Variants in BRINP3 observed in about 807,000 individuals in gnomAD.
BRINP3 encodes the protein BMP/retinoic acid inducible neural specific 3.
Under a neutral mutation model 71.0 loss-of-function variants are expected in BRINP3, and 19 were observed. That is an observed-to-expected ratio of 0.27 (90% CI 0.19 to 0.39). BRINP3 has a LOEUF of 0.39. BRINP3 is among the 10% of genes least tolerant of loss of function. BRINP3 has a pLI of 1.00. For missense variants in BRINP3, 959 were observed against 940.8 expected, an observed-to-expected ratio of 1.02 and a Z score of -0.25; for synonymous variants, 380 against 337.7, an observed-to-expected ratio of 1.13 and a Z score of -1.37.
chr1:190,459,899 T>G (rs1236593836), intron 1 of BRINP3, among the ~76,000 whole-genome samples: 1 of 151,992 alleles, frequency 6.6e-6, no homozygotes, highest in Non-Finnish European at 1.5e-5. Flanking sequence ...ACCAGTTTTG[T>G]TTTCTTTTTT....
At chr1:190,171,871 C>T (rs1051434986) in intron 6 of BRINP3, among the ~76,000 whole-genome samples, 1 of 151,934 alleles carries the variant, frequency 6.6e-6, no homozygotes, top group Non-Finnish European at 1.5e-5. Context: ...CTTTGGGAGG[C>T]CAAGGCAGGA....
chr1:190,166,382 C>G (rs1266995464), intron 6 of BRINP3, among the ~76,000 whole-genome samples: 1 of 152,096 alleles, frequency 6.6e-6, no homozygotes, highest in Non-Finnish European at 1.5e-5. Context: ...TACATCAAGC[C>G]AATTAATCTG....
chr1:190,286,813 A>C (rs926068947), intron 2 of BRINP3, among the ~76,000 whole-genome samples: 1 of 152,172 alleles, frequency 6.6e-6, no homozygotes, highest in African/African-American at 2.4e-5. Flanking sequence ...AATAACGATA[A>C]CATTCTAATT....
At chr1:190,349,160 C>T (rs1456146339) in intron 2 of BRINP3, among the ~76,000 whole-genome samples, 1 of 152,034 alleles carries the variant, frequency 6.6e-6, no homozygotes, top group Admixed American at 6.6e-5. Context: ...ACAACTGACA[C>T]CAGAAAATGA....
At chr1:190,195,724 AT>A (rs559193827) in intron 6 of BRINP3, among the ~76,000 whole-genome samples, 4 of 151,546 alleles carry the variant, frequency 2.6e-5, no homozygotes, top group South Asian at 2.1e-4. Flanking sequence ...TCTCTTCTTC[AT>A]TTTTTTCTTC....
chr1:190,449,775 C>G (rs1283963111), intron 2 of BRINP3, among the ~76,000 whole-genome samples: 2 of 152,080 alleles, frequency 1.3e-5, no homozygotes, highest in African/African-American at 4.8e-5. Context: ...GGAATTTACT[C>G]TGACATTCAT....
At chr1:190,335,153 A>G (rs999618228) in intron 2 of BRINP3, among the ~76,000 whole-genome samples, 2 of 151,908 alleles carry the variant, frequency 1.3e-5, no homozygotes, top group Non-Finnish European at 2.9e-5. Context: ...AAAGTGGAAC[A>G]AAAAGATCTT....
Position 190,123,527 on chromosome 1 carries a change from G to A in BRINP3, c.1185-24393C>T, listed in dbSNP as rs1216011281. ...TATTGTCTCATTATTTTCAATGTCT[G>A]TAAGTACTTAGTACAACTTATATTA... On this transcript the variant is annotated intron_variant, in intron 7 of 7. Coordinates refer to ENST00000367462, the MANE Select transcript of BRINP3 (RefSeq NM_199051.3). 3.3e-5 allele frequency among the ~76,000 whole-genome samples: 5 copies of A among 152,030 alleles called. No individual in the cohort carries two copies. The South Asian group carries it at 1.0e-3, about 31-fold the overall frequency.
At chr1:190,138,796 G>A (rs1655185553) in intron 7 of BRINP3, among the ~76,000 whole-genome samples, 1 of 152,126 alleles carries the variant, frequency 6.6e-6, no homozygotes, top group African/African-American at 2.4e-5. Flanking sequence ...GACCAAGAAA[G>A]GACAAAGGAC....
chr1:190,208,209 C>T (rs776886562), intron 6 of BRINP3, among the ~76,000 whole-genome samples: 5 of 151,838 alleles, frequency 3.3e-5, no homozygotes, highest in South Asian at 2.1e-4. Context: ...CCACCCAACA[C>T]GGCTGCCCAA....
At chr1:190,359,533 G>A (rs922664433) in intron 2 of BRINP3, among the ~76,000 whole-genome samples, 1 of 151,938 alleles carries the variant, frequency 6.6e-6, no homozygotes, top group Non-Finnish European at 1.5e-5. Context: ...TGCTAAGGTG[G>A]GATGATCTCT....
intron 2 of BRINP3, among the ~76,000 whole-genome samples, chr1:190,347,574 A>G (rs1174132364): frequency 1.3e-5 from 2 of 152,170 alleles, no homozygotes; most frequent in Admixed American, 6.5e-5. Flanking sequence ...CTCATGGTCT[A>G]TATGCATTCA....
At chr1:190,190,839 A>C (rs1465136882) in intron 6 of BRINP3, among the ~76,000 whole-genome samples, 2 of 152,086 alleles carry the variant, frequency 1.3e-5, no homozygotes, top group Admixed American at 1.3e-4. Context: ...AAATTCCACT[A>C]AAATATATTT....
chr1:190,318,703 G>A (rs1666044737), intron 2 of BRINP3, among the ~76,000 whole-genome samples: 1 of 151,842 alleles, frequency 6.6e-6, no homozygotes, highest in Non-Finnish European at 1.5e-5. Context: ...CCTGAATTAT[G>A]AAGCTGGGAC....
At chr1:190,277,118 T>TATATATATATATATATA (rs376769940) in intron 3 of BRINP3, among the ~76,000 whole-genome samples, 3 of 128,566 alleles carry the variant, frequency 2.3e-5, no homozygotes, top group Admixed American at 8.2e-5. Context: ...TATATATATA[T>TATATATATATATATATA]TTATATTCAG....
intron 6 of BRINP3, among the ~76,000 whole-genome samples, chr1:190,165,809 GAAGA>G (rs1651481473): frequency 1.3e-5 from 2 of 152,194 alleles, no homozygotes; most frequent in African/African-American, 4.8e-5. Context: ...ATGTGAGTGA[GAAGA>G]AAGACTCACG....
rs185271208 is a variant in BRINP3, at chr1:190,309,286, G to A, written c.237-27536C>T. 9.9e-5 allele frequency among the ~76,000 whole-genome samples: 15 copies of A among 151,794 alleles called. No individual in the cohort carries two copies. In the East Asian group the frequency reaches 1.6e-3, roughly 16 times the overall value. ...AGACAGAGTAGAATGGTAGTTGTCG[G>A]GAGACAGGAGAAGGAGAAATGGAAA... On this transcript the variant is annotated intron_variant, in intron 2 of 7. Coordinates refer to ENST00000367462, the MANE Select transcript of BRINP3 (RefSeq NM_199051.3).
chr1:190,129,317 A>G (rs1654342749), intron 7 of BRINP3, among the ~76,000 whole-genome samples: 1 of 151,808 alleles, frequency 6.6e-6, no homozygotes, highest in Non-Finnish European at 1.5e-5. Flanking sequence ...AAAGAAACAG[A>G]GTTATCTTTT....
intron 7 of BRINP3, among the ~76,000 whole-genome samples, chr1:190,116,730 C>T (rs912644843): frequency 6.6e-6 from 1 of 151,906 alleles, no homozygotes; most frequent in Non-Finnish European, 1.5e-5. Context: ...GGAATAGTTA[C>T]CTGAAGATAA....
Sources: allele counts gnomAD v4.1 joint callset (sites outside exome capture counted in the v4.1 genomes callset), GRCh38; gene constraint gnomAD v4.1.1; transcripts MANE v1.5; gene names NCBI Gene and HGNC (gene_info 2026-07-23, HGNC 2026-07-21).